PRPF18: variants seen among roughly 807,000 people sequenced by gnomAD.
The protein encoded by PRPF18 is pre-mRNA processing factor 18, also known as pre-mRNA-splicing factor 18.
PRPF18 carries 38 observed loss-of-function variants against 46.5 expected under a neutral mutation model. That is an observed-to-expected ratio of 0.82 (90% CI 0.63 to 1.07). PRPF18 has a LOEUF of 1.07. Among genes scored for constraint, PRPF18 ranks in the 50% least tolerant of loss-of-function variants. The pLI is 0.00. For synonymous variants in PRPF18, 152 were observed against 146.7 expected (o/e 1.04, Z -0.26); for missense variants, 263 against 410.0 (o/e 0.64, Z 3.10).
chr10:13,623,138 T>G (rs902904576), intron 9 of PRPF18, among the ~76,000 whole-genome samples: 8 of 151,940 alleles, frequency 5.3e-5, no homozygotes, highest in Non-Finnish European at 1.0e-4. Context: ...GAGGCGGAGG[T>G]TGCAGTGAGC....
chr10:13,609,135 G>A (rs2080234802), intron 4 of PRPF18, among the ~76,000 whole-genome samples: 1 of 152,228 alleles, frequency 6.6e-6, no homozygotes, highest in South Asian at 2.1e-4. Context: ...GTTAACATTG[G>A]TTGAATGTGC....
At chr10:13,588,280 G>A (rs2079906002) in intron 1 of PRPF18, among the ~76,000 whole-genome samples, 1 of 151,980 alleles carries the variant, frequency 6.6e-6, no homozygotes, top group Non-Finnish European at 1.5e-5. Flanking sequence ...GGTGGTGCGC[G>A]CCTGTAATCC....
chr10:13,651,140 A>G, the PRPF18 span: 3 of 152,264 alleles, frequency 2.0e-5, no homozygotes, highest in African/African-American at 7.2e-5. Flanking sequence ...TTAAATGCAC[A>G]TTAGGTTCAG....
At chr10:13,598,406 G>A (rs2080063906) in intron 2 of PRPF18, among the ~76,000 whole-genome samples, 1 of 152,130 alleles carries the variant, frequency 6.6e-6, no homozygotes, top group Non-Finnish European at 1.5e-5. Flanking sequence ...TTTTGTGCAT[G>A]TAATGGGGAA....
chr10:13,608,775 G>A lies in PRPF18; in HGVS notation c.364-1264G>A, dbSNP rs551784827. 1.2e-3 allele frequency among the ~76,000 whole-genome samples: 189 copies of A among 152,328 alleles called. 1 individual carries two copies. Among genetic ancestry groups the A allele is most frequent in the African/African-American group, 4.2e-3 (173 of 41,554 alleles). On this transcript the variant is annotated intron_variant, in intron 4 of 9. Coordinates refer to ENST00000378572, the MANE Select transcript of PRPF18 (RefSeq NM_003675.4). ...AGGCTGTTTTACCTTTGTATGCCAA[G>A]TCCTGTGCCGTGCATCTAGAGGTTT...
chr10:13,654,450 T>G, the PRPF18 span: 4 of 1,613,162 alleles, frequency 2.5e-6, no homozygotes, highest in Non-Finnish European at 3.4e-6. Context: ...TGGGGGCTGC[T>G]TGGGGGGGTG....
chr10:13,609,898 G>T, intron 4 of PRPF18, 141 bp from the exon 5 acceptor site: 5 of 759,240 alleles, frequency 6.6e-6, no homozygotes, highest in Non-Finnish European at 1.1e-5. Flanking sequence ...GTGATAAATT[G>T]ATGTGATTTG....
chr10:13,628,922 G>C (rs892961925), intron 9 of PRPF18, among the ~76,000 whole-genome samples: 3 of 152,138 alleles, frequency 2.0e-5, no homozygotes, highest in African/African-American at 7.2e-5. Context: ...GCCCTGGCCT[G>C]TTTGCGCACG....
rs1333659919 is a variant in PRPF18, at chr10:13,606,746, A to AAAAAAC, written c.363+1007_363+1008insCAAAAA. On this transcript the variant is annotated intron_variant, in intron 4 of 9. Transcript: ENST00000378572. ...GAGACTCCTTCTCAAAAAAAAAAAA[A>AAAAAAC]AAAAAAAAAAAACAGGGATAAAACT... 4.0e-4 allele frequency among the ~76,000 whole-genome samples: 61 copies of AAAAAAC among 151,572 alleles called. 1 individual carries two copies. Among genetic ancestry groups the AAAAAAC allele is most frequent in the Non-Finnish European group, 7.1e-4 (48 of 67,858 alleles).
At chr10:13,611,881 C>CTT (rs376808326) in intron 6 of PRPF18, among the ~76,000 whole-genome samples, 198 bp downstream of exon 6, 92 of 139,906 alleles carry the variant, frequency 6.6e-4, no homozygotes, top group African/African-American at 2.2e-3. Context: ...TTTCTTGTGG[C>CTT]TTTTTTTTTT....
the PRPF18 span, chr10:13,642,584 G>T: frequency 1.3e-5 from 2 of 152,210 alleles, no homozygotes; most frequent in Non-Finnish European, 1.5e-5. Context: ...GAGGTGAAAA[G>T]TAGGAAGCAG....
intron 8 of PRPF18, among the ~76,000 whole-genome samples, chr10:13,615,801 T>A (rs902643725): frequency 6.9e-6 from 1 of 145,878 alleles, no homozygotes; most frequent in Non-Finnish European, 1.5e-5. Flanking sequence ...AGGTAGGGGG[T>A]GGGGTGGGGG....
the PRPF18 span, chr10:13,646,873 TGA>T: frequency 3.0e-6 from 1 of 332,524 alleles, no homozygotes; most frequent in South Asian, 1.2e-4. Flanking sequence ...GTAAGGCAAA[TGA>T]GAGGCAGTGA....
the PRPF18 span, chr10:13,643,932 T>C: frequency 6.6e-6 from 1 of 152,654 alleles, no homozygotes; most frequent in African/African-American, 2.4e-5. Context: ...CAACCTAATC[T>C]TTTTTCCCCC....
At chr10:13,592,892 C>A (rs1409120856) in intron 1 of PRPF18, among the ~76,000 whole-genome samples, 1 of 152,174 alleles carries the variant, frequency 6.6e-6, no homozygotes, top group Non-Finnish European at 1.5e-5. Context: ...CTACAATAAT[C>A]AAAACAGCAT....
chr10:13,604,366 A>T (rs2080156003), intron 3 of PRPF18, among the ~76,000 whole-genome samples: 1 of 152,234 alleles, frequency 6.6e-6, no homozygotes, highest in Admixed American at 6.5e-5. Context: ...TGACATACAT[A>T]GCATGTATAT....
At chr10:13,641,190 A>G in the PRPF18 span, 44 of 152,212 alleles carry the variant, frequency 2.9e-4, no homozygotes, top group Admixed American at 1.6e-3. Context: ...GGGAATTTGC[A>G]TCTGTTTTGT....
rs116454277 is a variant in PRPF18, at chr10:13,624,886, C to T, written c.949-5374C>T. Reference sequence around the variant, plus strand: ...AGTTTTTCCATTCAGCTCTATAGTGCGTTACTCATCAGCATGAATGTTCAC... The same window carrying T: ...AGTTTTTCCATTCAGCTCTATAGTGTGTTACTCATCAGCATGAATGTTCAC... On this transcript the variant is annotated intron_variant, in intron 9 of 9. Transcript: ENST00000378572. Among the ~76,000 whole-genome samples the T allele has an allele frequency of 5.6e-3, 847 of 152,264 alleles. 11 individuals carry two copies. The highest frequency in any genetic ancestry group is 0.019 in the African/African-American group (805 of 41,546).
chr10:13,587,506 G>A (rs996882539), intron 1 of PRPF18, among the ~76,000 whole-genome samples: 1 of 152,236 alleles, frequency 6.6e-6, no homozygotes, highest in Non-Finnish European at 1.5e-5. Flanking sequence ...GAGTAGCAAA[G>A]GCTTCAGGCT....
Sources: gnomAD v4.1 joint callset for allele counts (sites outside exome capture counted in the v4.1 genomes callset) on GRCh38, gnomAD v4.1.1 for gene constraint, MANE v1.5 for transcripts, NCBI Gene and HGNC (gene_info 2026-07-23, HGNC 2026-07-21) for gene names.